The following OPRM1 variants were observed in gnomAD, a reference collection of about 807,000 sequenced individuals.
The protein encoded by OPRM1 is mu-type opioid receptor.
A neutral mutation model predicts 31.8 loss-of-function variants in OPRM1; 27 were observed. The ratio of observed to expected loss-of-function variants is 0.85; its 90% CI spans 0.63 to 1.17. The LOEUF is 1.17. Ranked by LOEUF, OPRM1 falls within the 50% of genes most tolerant of loss-of-function variation. OPRM1 has a pLI of 0.00. For missense variants in OPRM1, 536 were observed against 511.1 expected (o/e 1.05, Z -0.47); for synonymous variants, 196 against 189.9 (o/e 1.03, Z -0.26).
At chr6:154,152,329 A>AAG (rs1491408193) in intron 3 of OPRM1, among the ~76,000 whole-genome samples, 1 of 31,410 alleles carries the variant, frequency 3.2e-5, no homozygotes, top group African/African-American at 1.5e-4. Flanking sequence ...GAAAGAAAGA[A>AAG]AGAAAGAAAG....
At chr6:154,066,850 C>T (rs1339423559) in intron 1 of OPRM1, among the ~76,000 whole-genome samples, 2 of 152,070 alleles carry the variant, frequency 1.3e-5, no homozygotes, top group Non-Finnish European at 2.9e-5. Context: ...TTGTTAAAAC[C>T]ACTCAATGTA....
Position 154,022,051 on chromosome 6 carries a change from C to T in OPRM1, c.-1+11033C>T, listed in dbSNP as rs190418375. Among the ~76,000 whole-genome samples, 192 of 152,296 alleles carry T rather than the reference C, an allele frequency of 1.3e-3. 1 individual carries two copies. The Middle Eastern group carries it at 0.014, about 11-fold the overall frequency. The stretch of plus-strand genomic sequence containing the variant: ...GGTGAAAGGAGACGTCCTTGCCTTG[C>T]TCCTTATCTTAGTGGGAAAGCTTCA... On this transcript the variant is annotated intron_variant, in intron 1 of 5. Transcript: ENST00000434900.
In OPRM1 at chr6:154,091,442, G is replaced by A. The variant is rs202194691; in HGVS notation, c.1134G>A (p.Thr378=). 33 of 1,613,032 alleles carry A rather than the reference G, an allele frequency of 2.0e-5. No homozygotes were observed. The highest frequency in any genetic ancestry group is 2.5e-5 in the Non-Finnish European group (30 of 1,179,996). The part of the protein sequence containing the change: ...IRQNTRDHPS[T]ANTVDRTNHQ... ...AGAACACTAGAGACCACCCCTCCACGGCCAATACAGTGGATAGAACTAATC... is the reference window on the plus strand; with the variant it reads ...AGAACACTAGAGACCACCCCTCCACAGCCAATACAGTGGATAGAACTAATC... The change falls in exon 3 of 4, where the codon ACG becomes ACA. Residue 378 remains threonine, a synonymous_variant. Coordinates refer to ENST00000330432, the MANE Select transcript of OPRM1 (RefSeq NM_000914.5).
At chr6:154,226,747 C>T (rs1051783469) in intron 3 of OPRM1, among the ~76,000 whole-genome samples, 1 of 152,144 alleles carries the variant, frequency 6.6e-6, no homozygotes, top group Admixed American at 6.5e-5. Context: ...TGATTAAATA[C>T]CCTGCATGGT....
chr6:154,199,698 T>C (rs1373312136), intron 3 of OPRM1: 3 of 1,612,498 alleles, frequency 1.9e-6, no homozygotes, highest in Non-Finnish European at 2.5e-6. Flanking sequence ...CCAGCAGGCT[T>C]ATCTGGGACA....
intron 2 of OPRM1, 96 bp from the exon 3 acceptor site, chr6:154,090,856 C>T (rs1791960944): frequency 1.8e-6 from 2 of 1,105,992 alleles, no homozygotes; most frequent in Non-Finnish European, 2.6e-6. Context: ...TAGCTCTGGT[C>T]AAGGCTAAAA....
At chr6:154,200,470 C>A (rs1487141616) in intron 3 of OPRM1, among the ~76,000 whole-genome samples, 2 of 152,180 alleles carry the variant, frequency 1.3e-5, no homozygotes, top group East Asian at 3.8e-4. Context: ...CCTGTAATCC[C>A]AGCACTTTGG....
intron 3 of OPRM1, among the ~76,000 whole-genome samples, chr6:154,140,176 CATT>C (rs1562504873): frequency 6.6e-6 from 1 of 152,158 alleles, no homozygotes; most frequent in Non-Finnish European, 1.5e-5. Flanking sequence ...GACAGTCTGT[CATT>C]ATCGCAACAA....
chr6:154,245,804 G>A (rs567395087), intron 3 of OPRM1, among the ~76,000 whole-genome samples: 100 of 152,274 alleles, frequency 6.6e-4, no homozygotes, highest in Non-Finnish European at 2.2e-4. Flanking sequence ...CCTTGGAAAC[G>A]TCTCCTCATT....
At chr6:154,190,883 C>T (rs1349992880) in intron 3 of OPRM1, among the ~76,000 whole-genome samples, 5 of 151,960 alleles carry the variant, frequency 3.3e-5, no homozygotes, top group African/African-American at 1.2e-4. Flanking sequence ...GGTGAAACCC[C>T]GTCTCTACTA....
At chr6:154,098,175 A>G (rs2128496088) in intron 3 of OPRM1, among the ~76,000 whole-genome samples, 1 of 152,372 alleles carries the variant, frequency 6.6e-6, no homozygotes, top group East Asian at 1.9e-4. Context: ...ATGTGCCCTG[A>G]TATATTCCAG....
Position 154,119,697 on chromosome 6 carries a change from G to C in OPRM1, c.*976G>C, listed in dbSNP as rs138801838. The stretch of plus-strand genomic sequence containing the variant: ...TGACAGATGTTTTTGTTGATTGCCA[G>C]AACAGTTTAAACTTTTTTTAAACAA... On this transcript the variant is annotated 3_prime_UTR_variant, in exon 4 of 4. Coordinates refer to ENST00000330432, the MANE Select transcript of OPRM1 (RefSeq NM_000914.5). Among the ~76,000 whole-genome samples the C allele has an allele frequency of 1.6e-3, 244 of 152,196 alleles. 1 individual carries two copies. The highest frequency in any genetic ancestry group is 4.8e-3 in the Admixed American group (74 of 15,270).
chr6:154,113,434 A>T (rs919611994), intron 3 of OPRM1, among the ~76,000 whole-genome samples: 2 of 152,158 alleles, frequency 1.3e-5, no homozygotes, highest in East Asian at 3.8e-4. Context: ...CAGTGGATGG[A>T]TATCCTCTGG....
chr6:154,074,907 A>G (rs2128459172), intron 1 of OPRM1, among the ~76,000 whole-genome samples: 1 of 152,316 alleles, frequency 6.6e-6, no homozygotes, highest in East Asian at 1.9e-4. Flanking sequence ...GGTAGAGAAC[A>G]AAAGCAATGG....
At chr6:154,089,122 C>T (rs1226119486) in intron 1 of OPRM1, among the ~76,000 whole-genome samples, 1 of 152,032 alleles carries the variant, frequency 6.6e-6, no homozygotes, top group East Asian at 1.9e-4. Flanking sequence ...GTGTACATAC[C>T]TATAGACACT....
At chr6:154,245,996 G>A (rs1454255103) in intron 3 of OPRM1, among the ~76,000 whole-genome samples, 1 of 152,166 alleles carries the variant, frequency 6.6e-6, no homozygotes, top group African/African-American at 2.4e-5. Flanking sequence ...TGTTGTCTAA[G>A]CACGACTAGT....
At chr6:154,107,537 C>T in intron 3 of OPRM1, 1 of 718,548 alleles carries the variant, frequency 1.4e-6, no homozygotes. Context: ...AGGGCAGTCT[C>T]CATTTCCCTT....
chr6:154,209,227 G>A (rs1474064584), intron 3 of OPRM1, among the ~76,000 whole-genome samples: 1 of 152,088 alleles, frequency 6.6e-6, no homozygotes, highest in African/African-American at 2.4e-5. Flanking sequence ...CAAAATGGAA[G>A]TACATCACCC....
At chr6:154,110,222 G>T in intron 3 of OPRM1, 1 of 543,630 alleles carries the variant, frequency 1.8e-6, no homozygotes, top group Non-Finnish European at 3.3e-6. Flanking sequence ...GTTTTACTTT[G>T]TTTTCTGGTG....
Sources: allele counts gnomAD v4.1 joint callset (sites outside exome capture counted in the v4.1 genomes callset), GRCh38; gene constraint gnomAD v4.1.1; transcripts MANE v1.5; gene names NCBI Gene and HGNC (gene_info 2026-07-23, HGNC 2026-07-21).